Variants in TRPS1 observed in about 807,000 individuals in gnomAD.
TRPS1 encodes transcriptional repressor GATA binding 1, also known as zinc finger transcription factor Trps1.
TRPS1 carries 6 observed loss-of-function variants against 101.2 expected under a neutral mutation model. That is an observed-to-expected ratio of 0.06 (90% CI 0.03 to 0.12). The LOEUF is 0.12. TRPS1 is among the 10% of genes least tolerant of loss of function. The pLI is 1.00. For synonymous variants in TRPS1, 578 were observed against 589.8 expected, an observed-to-expected ratio of 0.98 and a Z score of 0.29; for missense variants, 1,363 against 1,567.0, an observed-to-expected ratio of 0.87 and a Z score of 2.20.
intron 5 of TRPS1, among the ~76,000 whole-genome samples, chr8:115,493,064 A>C (rs1815066937): frequency 6.6e-6 from 1 of 152,072 alleles, no homozygotes; most frequent in Non-Finnish European, 1.5e-5. Flanking sequence ...CTTTTTTAAA[A>C]GACTGGTCAA....
At position 115,418,288 on chromosome 8, in the gene TRPS1, G is replaced by A; in HGVS notation, c.2823+42C>T. The A allele has an allele frequency of 6.2e-7, 1 of 1,613,800 alleles. No individual in the cohort carries two copies. The highest frequency in any genetic ancestry group is 8.5e-7 in the Non-Finnish European group (1 of 1,179,792). On this transcript the variant is annotated intron_variant, in intron 6 of 6. Transcript: ENST00000395715. The surrounding 1 kb of genome is among the most constrained non-coding windows in gnomAD (Gnocchi z 4.3). ...TCACACCACAGACCAGGCCAACACTGCTTTATAAAGCTTTTCCTGAAAGAG... is the reference window on the plus strand; with the variant it reads ...TCACACCACAGACCAGGCCAACACTACTTTATAAAGCTTTTCCTGAAAGAG...
Position 115,639,768 on chromosome 8 carries a change from G to A in TRPS1, c.-121-16010C>T, listed in dbSNP as rs561362859. Among the ~76,000 whole-genome samples the A allele has an allele frequency of 4.6e-5, 7 of 152,284 alleles. No individual in the cohort carries two copies. In the East Asian group the frequency reaches 1.2e-3, roughly 25 times the overall value. On this transcript the variant is annotated intron_variant, in intron 1 of 6. Coordinates refer to ENST00000395715, the MANE Select transcript of TRPS1 (RefSeq NM_014112.5). ...TGCTTGAGCTTGGGAGGCAGAGGTCGCAGTGAGCTGAGATCGTGCCACTGC... is the reference window on the plus strand; with the variant it reads ...TGCTTGAGCTTGGGAGGCAGAGGTCACAGTGAGCTGAGATCGTGCCACTGC...
At chr8:115,437,948 C>G (rs998485492) in intron 5 of TRPS1, among the ~76,000 whole-genome samples, 3 of 152,106 alleles carry the variant, frequency 2.0e-5, no homozygotes, top group African/African-American at 7.2e-5. Context: ...CCAAAGGCAT[C>G]TTATAATCTA....
rs544895802 is a variant in TRPS1, at chr8:115,632,713, A to G, written c.-121-8955T>C. ...TTACAAACATGATGCTGAGTGTGTC[A>G]TGGCAGACACAAACGAATGCATGCT... On this transcript the variant is annotated intron_variant, in intron 1 of 6. Coordinates refer to ENST00000395715, the MANE Select transcript of TRPS1 (RefSeq NM_014112.5). Among the ~76,000 whole-genome samples the G allele has an allele frequency of 3.3e-5, 5 of 152,308 alleles. No homozygotes were observed. In the East Asian group the frequency reaches 9.6e-4, roughly 29 times the overall value.
chr8:115,566,971 T>C (rs1399645844), intron 5 of TRPS1, among the ~76,000 whole-genome samples: 1 of 152,140 alleles, frequency 6.6e-6, no homozygotes, highest in Non-Finnish European at 1.5e-5. Context: ...ATACCATATA[T>C]GTTTGTAGCA....
intron 1 of TRPS1, among the ~76,000 whole-genome samples, chr8:115,631,747 T>C (rs1818650956): frequency 6.6e-6 from 1 of 152,084 alleles, no homozygotes; most frequent in Non-Finnish European, 1.5e-5. Context: ...CTCTTGATAT[T>C]AAATAGGCTC....
intron 5 of TRPS1, among the ~76,000 whole-genome samples, chr8:115,480,880 A>G (rs1180143815): frequency 6.6e-6 from 1 of 152,128 alleles, no homozygotes; most frequent in Non-Finnish European, 1.5e-5. Context: ...TGAACACTAA[A>G]TTTACGTGCA....
At chr8:115,511,103 C>T (rs1400204936) in intron 5 of TRPS1, 1 of 151,726 alleles carries the variant, frequency 6.6e-6, no homozygotes, top group African/African-American at 2.4e-5. Flanking sequence ...TTAACTTCTG[C>T]CAGATATGAA....
intron 5 of TRPS1, chr8:115,510,944 T>C (rs1173526710): frequency 6.6e-6 from 1 of 152,010 alleles, no homozygotes; most frequent in Non-Finnish European, 1.5e-5. Context: ...ACTTCATCAC[T>C]AATTCATGCG....
intron 5 of TRPS1, among the ~76,000 whole-genome samples, chr8:115,490,781 T>C (rs1221603278): frequency 6.6e-6 from 1 of 152,190 alleles, no homozygotes; most frequent in Non-Finnish European, 1.5e-5. Context: ...TATCAAGGAC[T>C]AGAAAAATGT....
intron 5 of TRPS1, among the ~76,000 whole-genome samples, chr8:115,465,269 G>T (rs559886540): frequency 2.0e-5 from 3 of 152,172 alleles, no homozygotes; most frequent in East Asian, 3.9e-4. Flanking sequence ...CGAGTTTTAG[G>T]AAGAAATTCC....
At chr8:115,667,264 C>T (rs966055058) in intron 1 of TRPS1, among the ~76,000 whole-genome samples, 1 of 152,132 alleles carries the variant, frequency 6.6e-6, no homozygotes, top group African/African-American at 2.4e-5. Flanking sequence ...GGGGGAAACA[C>T]CACCATCTCA....
chr8:115,471,592 T>A (rs1814470534), intron 5 of TRPS1, among the ~76,000 whole-genome samples: 1 of 152,050 alleles, frequency 6.6e-6, no homozygotes, highest in Non-Finnish European at 1.5e-5. Flanking sequence ...AATCATGACT[T>A]CCCAACAGTT....
At chr8:115,428,518 T>C (rs550411007) in intron 5 of TRPS1, among the ~76,000 whole-genome samples, 2 of 152,230 alleles carry the variant, frequency 1.3e-5, no homozygotes, top group South Asian at 4.1e-4. Context: ...CCACTGCTTA[T>C]TTTAATGTAA....
At chr8:115,655,075 A>G (rs1411943236) in intron 1 of TRPS1, among the ~76,000 whole-genome samples, 1 of 152,168 alleles carries the variant, frequency 6.6e-6, no homozygotes, top group Non-Finnish European at 1.5e-5. Context: ...CCTTTAACCA[A>G]GTAGGGGGAA....
intron 5 of TRPS1, among the ~76,000 whole-genome samples, chr8:115,572,780 G>C (rs1291465726): frequency 6.6e-6 from 1 of 152,008 alleles, no homozygotes; most frequent in African/African-American, 2.4e-5. Flanking sequence ...TACAAAACCA[G>C]CTTCATTATT....
intron 5 of TRPS1, among the ~76,000 whole-genome samples, chr8:115,515,969 G>A (rs1815699492): frequency 6.6e-6 from 1 of 151,244 alleles, no homozygotes; most frequent in South Asian, 2.1e-4. Flanking sequence ...ATGTTGTGCA[G>A]GACAAATAAG....
chr8:115,565,590 C>T (rs184967276), intron 5 of TRPS1, among the ~76,000 whole-genome samples: 9 of 149,888 alleles, frequency 6.0e-5, no homozygotes, highest in East Asian at 1.9e-4. Context: ...TTAGTGAGTT[C>T]GCCAAAGTAC....
At chr8:115,441,890 A>AGTGTGTGT (rs1368942740) in intron 5 of TRPS1, among the ~76,000 whole-genome samples, 2 of 137,468 alleles carry the variant, frequency 1.5e-5, no homozygotes, top group African/African-American at 2.7e-5. Context: ...AGAGAGAGAG[A>AGTGTGTGT]GAGAGAGAGT....
Sources: allele counts gnomAD v4.1 joint callset (sites outside exome capture counted in the v4.1 genomes callset), GRCh38; gene constraint gnomAD v4.1.1; non-coding constraint Gnocchi (gnomAD v3.1); transcripts MANE v1.5; gene names NCBI Gene and HGNC (gene_info 2026-07-23, HGNC 2026-07-21).